Variants in TERB2 observed in about 807,000 individuals in gnomAD.
TERB2 encodes telomere repeats-binding bouquet formation protein 2.
A neutral mutation model predicts 29.8 loss-of-function variants in TERB2; 26 were observed. The observed-to-expected ratio is 0.87, with a 90% CI of 0.64 to 1.21. The LOEUF is 1.21. Ranked by LOEUF, TERB2 falls within the 50% of genes most tolerant of loss-of-function variation. TERB2 has a pLI of 0.00. For missense variants in TERB2, 240 were observed against 268.6 expected (o/e 0.89, Z 0.74); for synonymous variants, 80 against 90.8 (o/e 0.88, Z 0.68).
intron 5 of TERB2, among the ~76,000 whole-genome samples, chr15:44,972,612 T>C (rs1891987460): frequency 1.3e-5 from 2 of 150,896 alleles, no homozygotes; most frequent in Admixed American, 1.3e-4. Context: ...ACCTCCCAGG[T>C]TCAAGCAATT....
Position 44,978,680 on chromosome 15 carries a change from G to A in TERB2, c.*52G>A. ...TTTATTTTCTATAAAATATTATACA[G>A]ATGTGCATATCATAAAATGCTCCCT... is the stretch of plus-strand genomic sequence containing the variant. On this transcript the variant is annotated 3_prime_UTR_variant, in exon 7 of 7. Transcript: ENST00000340827. 1 of 1,442,620 alleles carries A rather than the reference G, an allele frequency of 6.9e-7. No individual in the cohort carries two copies. Among genetic ancestry groups the A allele is most frequent in the Non-Finnish European group, 9.2e-7 (1 of 1,090,940 alleles). 89.4% of individuals were successfully genotyped at this position (1,442,620 alleles called of 1,614,324 possible).
chr15:44,977,942 C>T (rs546587389), intron 6 of TERB2, among the ~76,000 whole-genome samples: 1 of 152,208 alleles, frequency 6.6e-6, no homozygotes, highest in Non-Finnish European at 1.5e-5. Context: ...TTATATGACT[C>T]ATATCTGTTT....
intron 5 of TERB2, among the ~76,000 whole-genome samples, chr15:44,972,271 G>C (rs977379195): frequency 2.2e-4 from 33 of 151,976 alleles, no homozygotes; most frequent in African/African-American, 7.7e-4. Flanking sequence ...GATTACAGGC[G>C]TGAGCTACTG....
intron 4 of TERB2, among the ~76,000 whole-genome samples, chr15:44,965,366 T>C (rs1206304078): frequency 6.8e-6 from 1 of 147,286 alleles, no homozygotes; most frequent in East Asian, 1.9e-4. Flanking sequence ...TTCACTGTCC[T>C]TTTGAAGGAG....
At chr15:44,972,887 G>GT (rs71902044) in intron 5 of TERB2, among the ~76,000 whole-genome samples, 4,627 of 141,064 alleles carry the variant, frequency 0.033, 111 homozygotes, top group African/African-American at 0.058. Flanking sequence ...AACATCAATT[G>GT]TTTTTTTTTT....
At chr15:44,968,588 T>A (rs984512518) in intron 5 of TERB2, among the ~76,000 whole-genome samples, 2 of 137,196 alleles carry the variant, frequency 1.5e-5, no homozygotes, top group African/African-American at 5.5e-5. Flanking sequence ...TTTAACCTTT[T>A]TTTTTTTTTT....
At chr15:44,968,860 G>T (rs1434604425) in intron 5 of TERB2, among the ~76,000 whole-genome samples, 1 of 151,772 alleles carries the variant, frequency 6.6e-6, no homozygotes, top group Admixed American at 6.6e-5. Flanking sequence ...GTAAATTATC[G>T]GATGTGGAAA....
At position 44,961,785 on chromosome 15, in the gene TERB2, T is replaced by C. The variant is rs149173633; in HGVS notation, c.348+201T>C. Among the ~76,000 whole-genome samples, 50 of 152,192 alleles carry C rather than the reference T, an allele frequency of 3.3e-4. 1 individual carries two copies. The highest frequency in any genetic ancestry group is 1.2e-3 in the African/African-American group (49 of 41,540). Reference sequence around the variant, plus strand: ...CGCGATCTCGGCTCACTGCAACCTTTGCCTTCTGGGTTCAAGCGATTCTCC... The same window carrying C: ...CGCGATCTCGGCTCACTGCAACCTTCGCCTTCTGGGTTCAAGCGATTCTCC... On this transcript the variant is annotated intron_variant, in intron 4 of 6. Transcript: ENST00000340827.
chr15:44,966,615 A>G (rs1023287049), intron 5 of TERB2, among the ~76,000 whole-genome samples: 1 of 152,204 alleles, frequency 6.6e-6, no homozygotes, highest in Non-Finnish European at 1.5e-5. Context: ...CAGTTAATAA[A>G]TTATTTAAAA....
intron 2 of TERB2, among the ~76,000 whole-genome samples, chr15:44,957,335 A>G (rs1429509502): frequency 1.3e-5 from 2 of 152,162 alleles, no homozygotes; most frequent in Non-Finnish European, 1.5e-5. Context: ...AGGGAAAGAA[A>G]TAGACAACCT....
intron 4 of TERB2, among the ~76,000 whole-genome samples, chr15:44,964,619 G>GT (rs1192944581): frequency 1.3e-5 from 2 of 151,992 alleles, no homozygotes; most frequent in Non-Finnish European, 2.9e-5. Context: ...CCAATCCAAT[G>GT]TTTTTTCTAC....
intron 6 of TERB2, among the ~76,000 whole-genome samples, chr15:44,975,782 T>C (rs1892038058): frequency 6.6e-6 from 1 of 152,174 alleles, no homozygotes; most frequent in Non-Finnish European, 1.5e-5. Flanking sequence ...TCAAAAGAGT[T>C]TTTGTTTTGC....
At chr15:44,977,282 T>C (rs1183479882) in intron 6 of TERB2, among the ~76,000 whole-genome samples, 1 of 152,230 alleles carries the variant, frequency 6.6e-6, no homozygotes, top group Non-Finnish European at 1.5e-5. Context: ...AAATTAGGTT[T>C]CTGTCCATTT....
chr15:44,964,046 T>C (rs1226584199), intron 4 of TERB2, among the ~76,000 whole-genome samples: 1 of 152,110 alleles, frequency 6.6e-6, no homozygotes, highest in Non-Finnish European at 1.5e-5. Flanking sequence ...CCTGACCTCG[T>C]GATCCGCCTG....
intron 6 of TERB2, chr15:44,976,161 GCTGGGATTC>G (rs1892044615): frequency 6.6e-6 from 1 of 152,312 alleles, no homozygotes; most frequent in Non-Finnish European, 1.5e-5. Context: ...CTCCCAAAGT[GCTGGGATTC>G]CAGGTACGAG....
Position 44,978,827 on chromosome 15 carries a change from T to C in TERB2, c.*199T>C. The C allele has an allele frequency of 8.6e-6, 5 of 584,456 alleles. No homozygotes were observed. The highest frequency in any genetic ancestry group is 9.9e-6 in the Non-Finnish European group (4 of 403,166). 36.2% of individuals were successfully genotyped at this position (584,456 alleles called of 1,614,324 possible). The stretch of plus-strand genomic sequence containing the variant: ...ATTTTTCCCCTAGCTTTTAACAACA[T>C]GTTCAAATATTCTCAATGCACAGTT... On this transcript the variant is annotated 3_prime_UTR_variant, in exon 7 of 7. Transcript: ENST00000340827.
chr15:44,971,574 T>G (rs925101640), intron 5 of TERB2, among the ~76,000 whole-genome samples: 7 of 151,948 alleles, frequency 4.6e-5, no homozygotes, highest in African/African-American at 1.7e-4. Flanking sequence ...GCAAACACAG[T>G]TAAACCCCGT....
intron 4 of TERB2, among the ~76,000 whole-genome samples, chr15:44,963,801 ATTCT>A (rs1891841617): frequency 7.8e-6 from 1 of 128,236 alleles, no homozygotes; most frequent in Non-Finnish European, 1.6e-5. Context: ...TTATTATACT[ATTCT>A]TTTTTTTTTT....
At position 44,966,213 on chromosome 15, in the gene TERB2, C is replaced by T; in HGVS notation, c.404C>T (p.Ala135Val). Residue 135 changes from alanine to valine, a missense_variant, in exon 5 of 7, where the codon GCA (alanine) becomes GTA (valine). Coordinates refer to ENST00000340827, the MANE Select transcript of TERB2 (RefSeq NM_152448.3). ...IKTLRENSEL[A>V]TEHKKELSKS... ...ACCCTTAGGGAAAACAGTGAACTAG[C>T]AACAGAGCACAAAAAAGAATTATCC... The T allele has an allele frequency of 6.4e-7, 1 of 1,561,856 alleles. No individual in the cohort carries two copies. The highest frequency in any genetic ancestry group is 8.6e-7 in the Non-Finnish European group (1 of 1,158,044).
Sources: allele counts gnomAD v4.1 joint callset (sites outside exome capture counted in the v4.1 genomes callset), GRCh38; gene constraint gnomAD v4.1.1; transcripts MANE v1.5; gene names NCBI Gene and HGNC (gene_info 2026-07-23, HGNC 2026-07-21).